RANBP2: variants seen among roughly 807,000 people sequenced by gnomAD.
RANBP2 encodes the protein E3 SUMO-protein ligase RanBP2.
RANBP2 carries 57 observed loss-of-function variants against 303.6 expected under a neutral mutation model. The ratio of observed to expected loss-of-function variants is 0.19; its 90% confidence interval spans 0.15 to 0.23. The LOEUF (loss-of-function observed/expected upper bound fraction) is 0.23, where lower values mean the gene tolerates loss of function less well. Ranked by LOEUF, RANBP2 falls within the 10% of genes least tolerant of loss-of-function variation. The pLI, the probability that RANBP2 is intolerant of heterozygous loss-of-function variation, is 1.00. For synonymous variants in RANBP2, 1,167 were observed against 1,301.5 expected (o/e 0.90, Z 2.23); for missense variants, 3,138 against 3,780.8 (o/e 0.83, Z 4.46).
the RANBP2 span, among the ~76,000 whole-genome samples, chr2:108,803,942 C>T: frequency 8.5e-5 from 13 of 152,256 alleles, no homozygotes; most frequent in South Asian, 2.1e-4. Context: ...GTATTTGTGA[C>T]TATATCCTAA....
At chr2:109,257,352 G>A in the RANBP2 span, among the ~76,000 whole-genome samples, 2 of 151,608 alleles carry the variant, frequency 1.3e-5, no homozygotes, top group African/African-American at 4.9e-5. Flanking sequence ...GAATTGAGGA[G>A]GGAATGAAAG....
chr2:109,266,264 G>A, the RANBP2 span, among the ~76,000 whole-genome samples: 17 of 151,350 alleles, frequency 1.1e-4, no homozygotes, highest in African/African-American at 2.7e-4. Context: ...TGTGTTGTGC[G>A]TGCATGTGTT....
At chr2:108,821,061 A>G in the RANBP2 span, among the ~76,000 whole-genome samples, 1 of 152,200 alleles carries the variant, frequency 6.6e-6, no homozygotes, top group African/African-American at 2.4e-5. Flanking sequence ...TACAACATAT[A>G]AAGATATAAT....
the RANBP2 span, chr2:108,910,758 A>G: frequency 1.9e-6 from 3 of 1,612,272 alleles, no homozygotes; most frequent in African/African-American, 4.0e-5. Context: ...TGGTGTGTGG[A>G]AGCCCTGGTT....
chr2:108,856,129 C>T, the RANBP2 span, among the ~76,000 whole-genome samples: 2 of 152,060 alleles, frequency 1.3e-5, no homozygotes, highest in African/African-American at 4.8e-5. Flanking sequence ...TTAGTGCTTC[C>T]CAATCCTGGC....
At chr2:108,875,937 A>G in the RANBP2 span, 18 of 566,214 alleles carry the variant, frequency 3.2e-5, no homozygotes, top group Admixed American at 4.8e-4. Flanking sequence ...TGTTTGTTTC[A>G]GCATTCTAAT....
the RANBP2 span, among the ~76,000 whole-genome samples, chr2:108,944,393 CGT>C: frequency 6.6e-6 from 1 of 152,206 alleles, no homozygotes; most frequent in Non-Finnish European, 1.5e-5. Context: ...GGATTACAGG[CGT>C]GAACCACCGT....
At chr2:108,726,445 T>G (rs551810699) in intron 1 of RANBP2, among the ~76,000 whole-genome samples, 80 of 151,446 alleles carry the variant, frequency 5.3e-4, no homozygotes, top group Non-Finnish European at 6.0e-4. Context: ...TTTGTTTTTT[T>G]TTTTTTTTGG....
rs977906122 is a variant in RANBP2 at position 108,752,883 on chromosome 2, A to G, written c.1756-115A>G. On this transcript the variant is annotated intron_variant, in intron 12 of 28. Transcript: ENST00000283195. ...TTGGAAGTTGAACAAATGACTATTG[A>G]GATACCATTTGGTTTTGACTTGAAA... 1.1e-5 allele frequency: 17 copies of G among 1,593,136 alleles called. No individual in the cohort carries two copies. The African/African-American group carries it at 2.0e-4, about 19-fold the overall frequency.
chr2:108,759,343 A>C (rs1034995495), intron 18 of RANBP2, among the ~76,000 whole-genome samples: 5 of 152,200 alleles, frequency 3.3e-5, no homozygotes, highest in African/African-American at 1.2e-4. Context: ...TTATACAGCT[A>C]GTTATTGATA....
At chr2:109,223,174 T>G in the RANBP2 span, among the ~76,000 whole-genome samples, 4 of 152,252 alleles carry the variant, frequency 2.6e-5, no homozygotes, top group Admixed American at 1.3e-4. Flanking sequence ...GCATGGGTGC[T>G]GCTGCCACAG....
chr2:109,287,175 C>T, the RANBP2 span, among the ~76,000 whole-genome samples: 1 of 152,162 alleles, frequency 6.6e-6, no homozygotes, highest in African/African-American at 2.4e-5. Context: ...TTATATGCCA[C>T]AGAATTTTGC....
At chr2:109,688,025 AGAGCCT>A in the RANBP2 span, among the ~76,000 whole-genome samples, 2 of 152,194 alleles carry the variant, frequency 1.3e-5, no homozygotes, top group East Asian at 1.9e-4. Context: ...ATAGGAAAGG[AGAGCCT>A]GGGTGGGAGA....
chr2:109,054,145 A>G, the RANBP2 span, among the ~76,000 whole-genome samples: 2 of 152,080 alleles, frequency 1.3e-5, no homozygotes, highest in African/African-American at 4.8e-5. Context: ...CCCTGCTCCC[A>G]TTACAGTCTG....
chr2:109,541,375 T>C, the RANBP2 span, among the ~76,000 whole-genome samples: 2 of 152,240 alleles, frequency 1.3e-5, no homozygotes, highest in East Asian at 3.8e-4. Flanking sequence ...TTCATTACTA[T>C]ACATTCCTTT....
chr2:109,391,577 G>A, the RANBP2 span, among the ~76,000 whole-genome samples: 2 of 152,340 alleles, frequency 1.3e-5, no homozygotes, highest in African/African-American at 4.8e-5. Flanking sequence ...TCCCATAGCA[G>A]GTGTGTGGCC....
the RANBP2 span, among the ~76,000 whole-genome samples, chr2:109,010,296 A>G: frequency 1.4e-4 from 22 of 152,088 alleles, no homozygotes; most frequent in Admixed American, 5.2e-4. Context: ...GAAGGTAAGC[A>G]TTTAGCTCTT....
At chr2:109,079,757 G>C in the RANBP2 span, among the ~76,000 whole-genome samples, 5 of 152,214 alleles carry the variant, frequency 3.3e-5, no homozygotes, top group Non-Finnish European at 5.9e-5. Flanking sequence ...GCTCAGCCTG[G>C]GTTGGGGAGG....
chr2:109,266,389 A>C, the RANBP2 span, among the ~76,000 whole-genome samples: 1 of 151,924 alleles, frequency 6.6e-6, no homozygotes, highest in African/African-American at 2.4e-5. Context: ...GGCTGCCCCA[A>C]GCAGGAGTGT....
Sources: gnomAD v4.1 joint callset for allele counts (sites outside exome capture counted in the v4.1 genomes callset) on GRCh38, gnomAD v4.1.1 for gene constraint, MANE v1.5 for transcripts, NCBI Gene and HGNC (gene_info 2026-07-23, HGNC 2026-07-21) for gene names.